Variants in ZNF432 observed in about 807,000 individuals in gnomAD.
The protein encoded by ZNF432 is zinc finger protein 432.
In ZNF432, 10 loss-of-function variants were observed where a neutral mutation model predicts 13.9. That is an observed-to-expected ratio of 0.72 (90% CI 0.44 to 1.22). The LOEUF (loss-of-function observed/expected upper bound fraction) is 1.22, where lower values mean the gene tolerates loss of function less well. Among genes scored for constraint, ZNF432 ranks in the 50% most tolerant of loss-of-function variants. The probability of loss-of-function intolerance (pLI) is 0.00; values close to 1 mark genes in which losing one functional copy is unlikely to be tolerated. For synonymous variants in ZNF432, 247 were observed against 256.2 expected (o/e 0.96, Z 0.34); for missense variants, 793 against 796.2 (o/e 1.00, Z 0.05).
In ZNF432 at chr19:52,035,025, A is replaced by C. The variant is rs6509616; in HGVS notation, c.654T>G (p.Ser218=). 44,883 of 1,613,930 alleles carry C rather than the reference A, an allele frequency of 0.028. 956 individuals carry two copies. The highest frequency in any genetic ancestry group is 0.095 in the African/African-American group (7,155 of 74,970). The change falls in exon 5 of 5, where the codon TCT becomes TCG. Residue 218 remains serine (S), a synonymous_variant. Transcript: ENST00000221315. The part of the protein sequence containing the change: ...SECGKAFVKK[S]QLTDHERVHT... ...GAACTCTCTCATGATCAGTGAGCTG[A>C]GACTTCTTGACAAACGCTTTCCCAC...
intron 2 of ZNF432, among the ~76,000 whole-genome samples, chr19:52,042,842 G>T (rs1365714131): frequency 6.6e-6 from 1 of 152,078 alleles, no homozygotes; most frequent in African/African-American, 2.4e-5. Context: ...ATAACATTAT[G>T]CAAACAACTG....
At chr19:52,045,656 G>A (rs1417172957) in intron 2 of ZNF432, among the ~76,000 whole-genome samples, 4 of 149,750 alleles carry the variant, frequency 2.7e-5, no homozygotes, top group East Asian at 2.0e-4. Context: ...TGCCCGGCCC[G>A]GAAATTTACT....
intron 1 of ZNF432, 22 bp from the exon 2 acceptor site, chr19:52,047,082 A>C: frequency 2.1e-6 from 1 of 478,830 alleles, no homozygotes; most frequent in East Asian, 3.2e-5. Flanking sequence ...AACAACTTTC[A>C]GGGGTACATT....
At chr19:52,048,282 C>T (rs2087212565) in intron 1 of ZNF432, among the ~76,000 whole-genome samples, 1 of 152,112 alleles carries the variant, frequency 6.6e-6, no homozygotes, top group Non-Finnish European at 1.5e-5. Context: ...CTGGAATAGA[C>T]ACACACGTAC....
intron 1 of ZNF432, among the ~76,000 whole-genome samples, chr19:52,048,182 C>CACACACACACACACACAAAAAA: frequency 6.8e-6 from 1 of 146,318 alleles, no homozygotes. Context: ...CACACACACA[C>CACACACACACACACACAAAAAA]AAAACCAGCC....
rs1317670881 is a variant in ZNF432 at position 52,032,176 on chromosome 19, C to T, written c.*1544G>A. 6.6e-6 allele frequency: 1 copy of T among 151,922 alleles called. No individual in the cohort carries two copies. The highest frequency in any genetic ancestry group is 2.4e-5 in the African/African-American group (1 of 41,344). 9.4% of individuals were successfully genotyped at this position (151,922 alleles called of 1,614,324 possible). A position where few individuals can be genotyped will look rare whatever the true frequency, so the allele number is the denominator to read the frequency against. ...AATGGTACCTAGTAACTTGGATAAA[C>T]ACATCCAAATATACTGAATTACATT... On this transcript the variant is annotated 3_prime_UTR_variant, in exon 5 of 5. Coordinates refer to ENST00000221315, the MANE Select transcript of ZNF432 (RefSeq NM_014650.4).
chr19:52,041,354 G>A, intron 3 of ZNF432, 126 bp downstream of exon 3: 1 of 1,260,866 alleles, frequency 7.9e-7, no homozygotes, highest in East Asian at 2.5e-5. Flanking sequence ...CCTTTTATCA[G>A]AAGCCAGAGG....
intron 4 of ZNF432, among the ~76,000 whole-genome samples, chr19:52,039,979 A>G (rs2087119261): frequency 6.6e-6 from 1 of 152,116 alleles, no homozygotes. Flanking sequence ...CTGTTCATAC[A>G]CTACAAAGCA....
chr19:52,036,782 C>T (rs1314495662), intron 4 of ZNF432, among the ~76,000 whole-genome samples: 1 of 152,104 alleles, frequency 6.6e-6, no homozygotes, highest in African/African-American at 2.4e-5. Context: ...GCAATTCTCC[C>T]ACCTCAGCCT....
chr19:52,040,924 T>C (rs553576584), intron 3 of ZNF432, among the ~76,000 whole-genome samples: 200 of 148,606 alleles, frequency 1.3e-3, no homozygotes, highest in African/African-American at 4.0e-3. Flanking sequence ...CTGGGCAACA[T>C]AGACTCCATC....
chr19:52,037,242 C>T (rs1292894504), intron 4 of ZNF432, among the ~76,000 whole-genome samples: 1 of 152,104 alleles, frequency 6.6e-6, no homozygotes, highest in African/African-American at 2.4e-5. Context: ...TAAATTTGCC[C>T]CTCTTCAATC....
intron 2 of ZNF432, 123 bp from the exon 3 acceptor site, chr19:52,041,729 T>G: frequency 8.7e-7 from 1 of 1,145,928 alleles, no homozygotes; most frequent in Non-Finnish European, 1.2e-6. Context: ...ATAAGTCTAT[T>G]GTATTTTTTA....
intron 4 of ZNF432, 49 bp from the exon 5 acceptor site, chr19:52,035,489 A>C: frequency 7.2e-7 from 1 of 1,395,746 alleles, no homozygotes; most frequent in Non-Finnish European, 9.6e-7. Context: ...GTTGGGGATA[A>C]AACTGTCTTC....
chr19:52,036,566 G>C (rs1351163764), intron 4 of ZNF432, among the ~76,000 whole-genome samples: 1 of 152,182 alleles, frequency 6.6e-6, no homozygotes, highest in East Asian at 1.9e-4. Context: ...CTTTGAAATG[G>C]TTATCAAATA....
At chr19:52,041,910 T>A (rs1362177905) in intron 2 of ZNF432, among the ~76,000 whole-genome samples, 1 of 152,194 alleles carries the variant, frequency 6.6e-6, no homozygotes, top group Non-Finnish European at 1.5e-5. Flanking sequence ...CATCTAGATA[T>A]CTGATATAAA....
At chr19:52,036,137 C>T (rs944493090) in intron 4 of ZNF432, among the ~76,000 whole-genome samples, 10 of 152,150 alleles carry the variant, frequency 6.6e-5, no homozygotes, top group Admixed American at 6.5e-5. Context: ...GTGGAAAAGG[C>T]AACTGATTCA....
At position 52,045,730 on chromosome 19, in the gene ZNF432, C is replaced by T. The variant is rs547663373; in HGVS notation, c.15+1124G>A. On this transcript the variant is annotated intron_variant, in intron 2 of 4. Coordinates refer to ENST00000221315, the MANE Select transcript of ZNF432 (RefSeq NM_014650.4). ...CCCTGTGAGGCCAGGTGCAGTGGCT[C>T]ACGCCTGTAATCCCAGCACTTTGGG... is the stretch of plus-strand genomic sequence containing the variant. 1.3e-4 allele frequency among the ~76,000 whole-genome samples: 19 copies of T among 151,214 alleles called. No individual in the cohort carries two copies. The East Asian group carries it at 3.4e-3, about 27-fold the overall frequency.
rs2087190384 is a variant in ZNF432 at position 52,046,953 on chromosome 19, C to T, written c.-85G>A. The T allele has an allele frequency of 6.8e-7, 1 of 1,462,658 alleles. No individual in the cohort carries two copies. The highest frequency in any genetic ancestry group is 9.5e-7 in the Non-Finnish European group (1 of 1,056,374). The allele number at this position is 1,462,658 out of a possible 1,614,324, so 90.6% of individuals were successfully genotyped here. ...TCTGCCTTAAATTTCTATTTAGAAACTTCAGTCACCAGTGAAGGGTGTCCA... is the reference window on the plus strand; with the variant it reads ...TCTGCCTTAAATTTCTATTTAGAAATTTCAGTCACCAGTGAAGGGTGTCCA... On this transcript the variant is annotated 5_prime_UTR_variant, in exon 2 of 5. Coordinates refer to ENST00000221315, the MANE Select transcript of ZNF432 (RefSeq NM_014650.4).
chr19:52,036,788 A>C (rs2087085616), intron 4 of ZNF432, among the ~76,000 whole-genome samples: 2 of 152,014 alleles, frequency 1.3e-5, no homozygotes, highest in South Asian at 4.1e-4. Flanking sequence ...CTCCCACCTC[A>C]GCCTCCTGAG....
Sources: gnomAD v4.1 joint callset for allele counts (sites outside exome capture counted in the v4.1 genomes callset) on GRCh38, gnomAD v4.1.1 for gene constraint, MANE v1.5 for transcripts, NCBI Gene and HGNC (gene_info 2026-07-23, HGNC 2026-07-21) for gene names.